The following SLC15A1 variants were observed in gnomAD, a reference collection of about 807,000 sequenced individuals.
SLC15A1 encodes Caco-2 oligopeptide transporter.
In SLC15A1, 83 loss-of-function variants were observed where a neutral mutation model predicts 92.9. The ratio of observed to expected loss-of-function variants is 0.89; its 90% CI spans 0.75 to 1.07. The LOEUF (loss-of-function observed/expected upper bound fraction) is 1.07. Ranked by LOEUF, SLC15A1 falls within the 50% of genes least tolerant of loss-of-function variation. The pLI is 0.00. For missense variants in SLC15A1, 857 were observed against 880.1 expected, an observed-to-expected ratio of 0.97 and a Z score of 0.33; for synonymous variants, 322 against 318.2, an observed-to-expected ratio of 1.01 and a Z score of -0.13.
chr13:98,711,784 C>A lies in SLC15A1; in HGVS notation c.900+70G>T, dbSNP rs2088164737. On this transcript the variant is annotated intron_variant, in intron 11 of 22. Coordinates refer to ENST00000376503, the MANE Select transcript of SLC15A1 (RefSeq NM_005073.4). ...TTTTAGATGTGAAATATGAAGTGAG[C>A]CTTGGTACCTGGCAGTGCGGGATGT... 4.5e-6 allele frequency: 5 copies of A among 1,108,742 alleles called. No individual in the cohort carries two copies. The Admixed American group carries it at 7.2e-5, about 16-fold the overall frequency. 68.7% of individuals were successfully genotyped at this position (1,108,742 alleles called of 1,614,324 possible). A position where few individuals can be genotyped will look rare whatever the true frequency, so the allele number is the denominator to read the frequency against.
Position 98,704,187 on chromosome 13 carries a change from A to G in SLC15A1, c.1416+102T>C, listed in dbSNP as rs888600239. The G allele has an allele frequency of 1.5e-5, 16 of 1,063,132 alleles. No homozygotes were observed. The Admixed American group carries it at 2.3e-4, about 15-fold the overall frequency. 65.9% of individuals were successfully genotyped at this position (1,063,132 alleles called of 1,614,324 possible). On this transcript the variant is annotated intron_variant, in intron 17 of 22. Coordinates refer to ENST00000376503, the MANE Select transcript of SLC15A1 (RefSeq NM_005073.4). ...AGAAGGAAGAAATTGAGGATGATCT[A>G]ATATAACACTATATGGGAGTAAAAC...
intron 1 of SLC15A1, among the ~76,000 whole-genome samples, chr13:98,731,271 G>A (rs2139600716): frequency 6.6e-6 from 1 of 152,332 alleles, no homozygotes; most frequent in East Asian, 1.9e-4. Flanking sequence ...GTGGACTTGG[G>A]CTGTCTTTCA....
chr13:98,702,400 T>C (rs2088075050), intron 18 of SLC15A1, 80 bp downstream of exon 18: 2 of 953,128 alleles, frequency 2.1e-6, no homozygotes, highest in Non-Finnish European at 1.7e-6. Flanking sequence ...TATATCCTTG[T>C]TACATTTGGA....
rs2088171934 is a variant in SLC15A1, at chr13:98,712,487, C to T, written c.810+11G>A. On this transcript the variant is annotated intron_variant, in intron 10 of 22. Coordinates refer to ENST00000376503, the MANE Select transcript of SLC15A1 (RefSeq NM_005073.4). ...GGAATCAGGGTCATTGTAGCAATGA[C>T]CGTTACTTACATCGTATTTCTCTTT... is the stretch of plus-strand genomic sequence containing the variant. 1 of 1,598,194 alleles carries T rather than the reference C, an allele frequency of 6.3e-7. No individual in the cohort carries two copies. Among genetic ancestry groups the T allele is most frequent in the Non-Finnish European group, 8.6e-7 (1 of 1,166,652 alleles).
intron 3 of SLC15A1, 39 bp from the exon 4 acceptor site, chr13:98,726,303 A>G (rs776675923): frequency 1.2e-6 from 2 of 1,613,186 alleles, no homozygotes; most frequent in African/African-American, 2.7e-5. Context: ...GGGGAAACAA[A>G]GTTAGGACTG....
chr13:98,707,651 G>C (rs141698352), intron 15 of SLC15A1, among the ~76,000 whole-genome samples: 1 of 152,266 alleles, frequency 6.6e-6, no homozygotes, highest in East Asian at 1.9e-4. Flanking sequence ...GCTCATGCCT[G>C]TAATGCCAGG....
rs183618321 is a variant in SLC15A1, at chr13:98,731,664, T to C, written c.5-4805A>G. 4.3e-3 allele frequency among the ~76,000 whole-genome samples: 659 copies of C among 152,224 alleles called. 3 individuals are homozygous for C. The highest frequency in any genetic ancestry group is 7.6e-3 in the Non-Finnish European group (516 of 68,022). On this transcript the variant is annotated intron_variant, in intron 1 of 22. Coordinates refer to ENST00000376503, the MANE Select transcript of SLC15A1 (RefSeq NM_005073.4). ...TCATCACAAACCTTCCTTTCCTGTGTTCCCCGGATTTTTATTTGCAGGGAA... is the reference window on the plus strand; with the variant it reads ...TCATCACAAACCTTCCTTTCCTGTGCTCCCCGGATTTTTATTTGCAGGGAA...
chr13:98,719,508 A>C (rs2088237370), intron 7 of SLC15A1, among the ~76,000 whole-genome samples, 188 bp from the exon 8 acceptor site: 1 of 152,240 alleles, frequency 6.6e-6, no homozygotes, highest in Admixed American at 6.5e-5. Context: ...CAGGAGATGG[A>C]AACCAGTTCT....
At chr13:98,730,761 C>T (rs1159320263) in intron 1 of SLC15A1, among the ~76,000 whole-genome samples, 1 of 152,212 alleles carries the variant, frequency 6.6e-6, no homozygotes, top group Admixed American at 6.5e-5. Flanking sequence ...TTCCTAAGGC[C>T]CCGTTTATCA....
chr13:98,708,419 T>TTACA (rs2088132733), intron 15 of SLC15A1, among the ~76,000 whole-genome samples: 1 of 152,216 alleles, frequency 6.6e-6, no homozygotes, highest in Non-Finnish European at 1.5e-5. Context: ...GTTCAGATTG[T>TTACA]GAAGGAACAC....
intron 18 of SLC15A1, among the ~76,000 whole-genome samples, chr13:98,702,131 C>T (rs1017495558): frequency 3.9e-5 from 6 of 152,192 alleles, no homozygotes; most frequent in African/African-American, 1.4e-4. Context: ...TTTAGACTTT[C>T]GCCATGAAGC....
At chr13:98,729,783 C>T (rs540678077) in intron 1 of SLC15A1, among the ~76,000 whole-genome samples, 16 of 152,320 alleles carry the variant, frequency 1.1e-4, no homozygotes, top group Non-Finnish European at 2.1e-4. Context: ...ACCCTGACCA[C>T]GGGGCCCTCC....
chr13:98,731,282 C>T (rs1354408089), intron 1 of SLC15A1, among the ~76,000 whole-genome samples: 1 of 152,222 alleles, frequency 6.6e-6, no homozygotes, highest in African/African-American at 2.4e-5. Context: ...CTGTCTTTCA[C>T]ACCAGGCAGG....
intron 1 of SLC15A1, among the ~76,000 whole-genome samples, chr13:98,730,226 G>C (rs1243009334): frequency 2.5e-5 from 1 of 40,520 alleles, no homozygotes; most frequent in Non-Finnish European, 4.5e-5. Flanking sequence ...GAGGGGAAGG[G>C]AAGGGGAAGG....
intron 8 of SLC15A1, among the ~76,000 whole-genome samples, chr13:98,716,463 AAC>A (rs948317114): frequency 1.3e-5 from 2 of 152,068 alleles, no homozygotes; most frequent in African/African-American, 4.8e-5. Flanking sequence ...CTCTACTAAA[AAC>A]ACAAAAATTA....
At chr13:98,739,874 T>G (rs2088428642) in intron 1 of SLC15A1, among the ~76,000 whole-genome samples, 1 of 152,018 alleles carries the variant, frequency 6.6e-6, no homozygotes, top group South Asian at 2.1e-4. Flanking sequence ...ACTTGGCAGA[T>G]TCTTAATTGA....
chr13:98,710,263 A>C (rs556365480), intron 11 of SLC15A1, among the ~76,000 whole-genome samples: 2 of 152,310 alleles, frequency 1.3e-5, no homozygotes, highest in South Asian at 4.2e-4. Context: ...TGCGTGTTGC[A>C]GATGGTCCAT....
intron 1 of SLC15A1, among the ~76,000 whole-genome samples, chr13:98,741,781 G>A (rs1297768312): frequency 3.3e-5 from 5 of 151,256 alleles, no homozygotes; most frequent in Non-Finnish European, 7.4e-5. Context: ...TCCCCACTAG[G>A]AAGCTGCTGC....
At chr13:98,742,375 C>G (rs1240890753) in intron 1 of SLC15A1, among the ~76,000 whole-genome samples, 2 of 152,196 alleles carry the variant, frequency 1.3e-5, no homozygotes, top group African/African-American at 4.8e-5. Flanking sequence ...CAAAGTCTGT[C>G]GCCATCTGTC....
Sources: allele counts gnomAD v4.1 joint callset (sites outside exome capture counted in the v4.1 genomes callset), GRCh38; gene constraint gnomAD v4.1.1; transcripts MANE v1.5; gene names NCBI Gene and HGNC (gene_info 2026-07-23, HGNC 2026-07-21).